Variants in FRMD4A observed in about 807,000 individuals in gnomAD.
The protein encoded by FRMD4A is FERM domain-containing protein 4A.
FRMD4A carries 29 observed loss-of-function variants against 129.1 expected under a neutral mutation model. The observed-to-expected ratio is 0.22, with a 90% CI of 0.17 to 0.31. The LOEUF is 0.31. FRMD4A is among the 10% of genes least tolerant of loss of function. The pLI, the probability that FRMD4A is intolerant of heterozygous loss-of-function variation, is 1.00. For synonymous variants in FRMD4A, 634 were observed against 571.6 expected, an observed-to-expected ratio of 1.11 and a Z score of -1.56; for missense variants, 1,272 against 1,375.8, an observed-to-expected ratio of 0.92 and a Z score of 1.19.
chr10:13,884,576 A>C (rs899578530), intron 2 of FRMD4A, among the ~76,000 whole-genome samples: 40 of 152,206 alleles, frequency 2.6e-4, no homozygotes, highest in African/African-American at 8.9e-4. Context: ...CCACTGGGTC[A>C]AAGGCAAAGT....
chr10:13,944,632 T>C (rs966637182), intron 2 of FRMD4A, among the ~76,000 whole-genome samples: 3 of 152,106 alleles, frequency 2.0e-5, no homozygotes, highest in Non-Finnish European at 4.4e-5. Context: ...CAACAGAACA[T>C]GACAGGTCTG....
intron 2 of FRMD4A, among the ~76,000 whole-genome samples, chr10:14,000,646 CA>C (rs11377448): frequency 1.4e-3 from 61 of 43,468 alleles, no homozygotes; most frequent in South Asian, 9.2e-3. Flanking sequence ...GACGCCACCT[CA>C]AAAAAAAAAA....
chr10:13,944,611 C>T (rs912532919), intron 2 of FRMD4A, among the ~76,000 whole-genome samples: 3 of 152,080 alleles, frequency 2.0e-5, no homozygotes, highest in African/African-American at 7.2e-5. Flanking sequence ...CCACTGGGAC[C>T]ATACACCCTT....
chr10:13,849,473 A>G (rs1167432717), intron 3 of FRMD4A, among the ~76,000 whole-genome samples: 1 of 134,884 alleles, frequency 7.4e-6, no homozygotes, highest in Non-Finnish European at 1.6e-5. Context: ...GTAGAAAACA[A>G]TCTCCTGCAT....
chr10:14,077,632 G>A (rs970759990), intron 2 of FRMD4A, among the ~76,000 whole-genome samples: 6 of 152,290 alleles, frequency 3.9e-5, no homozygotes, highest in Middle Eastern at 3.4e-3. Context: ...AATGCTGAGA[G>A]GCCCATGGAA....
intron 5 of FRMD4A, 73 bp from the exon 6 acceptor site, chr10:13,783,079 T>C: frequency 4.0e-6 from 3 of 742,614 alleles, no homozygotes; most frequent in Non-Finnish European, 7.5e-6. Context: ...TTGAGCTACA[T>C]GATTTGAGAT....
At chr10:14,318,739 G>C (rs1846852185) in intron 2 of FRMD4A, among the ~76,000 whole-genome samples, 1 of 152,070 alleles carries the variant, frequency 6.6e-6, no homozygotes, top group Non-Finnish European at 1.5e-5. Context: ...AGAGCATCAA[G>C]GAACATAGAA....
intron 2 of FRMD4A, among the ~76,000 whole-genome samples, chr10:14,235,443 C>T (rs770998620): frequency 1.3e-5 from 2 of 152,096 alleles, no homozygotes; most frequent in African/African-American, 2.4e-5. Flanking sequence ...CCACCGCGCC[C>T]GGCCGCCACC....
At chr10:13,893,942 C>T (rs948111780) in intron 2 of FRMD4A, among the ~76,000 whole-genome samples, 1 of 152,214 alleles carries the variant, frequency 6.6e-6, no homozygotes, top group African/African-American at 2.4e-5. Context: ...GAACTTGCCT[C>T]ACTGGCCAAT....
chr10:14,244,815 G>A lies in FRMD4A; in HGVS notation c.45+85243C>T, dbSNP rs78116000. Among the ~76,000 whole-genome samples, 37 of 152,238 alleles carry A rather than the reference G, an allele frequency of 2.4e-4. 1 individual carries two copies. The East Asian group carries it at 6.2e-3, about 25-fold the overall frequency. ...TGACTCCAAAACCTGTGCTCTTTCCGCAGTAATACTGAGTTCTCTTTAATG... is the reference window on the plus strand; with the variant it reads ...TGACTCCAAAACCTGTGCTCTTTCCACAGTAATACTGAGTTCTCTTTAATG... On this transcript the variant is annotated intron_variant, in intron 2 of 24. Coordinates refer to ENST00000357447, the MANE Select transcript of FRMD4A (RefSeq NM_018027.5).
chr10:14,038,128 C>T (rs1299810800), intron 2 of FRMD4A, among the ~76,000 whole-genome samples: 1 of 152,150 alleles, frequency 6.6e-6, no homozygotes, highest in Non-Finnish European at 1.5e-5. Flanking sequence ...CGAGACCATC[C>T]TGGCTAACAC....
intron 2 of FRMD4A, 66 bp from the exon 3 acceptor site, chr10:13,858,978 C>G: frequency 1.1e-6 from 1 of 928,574 alleles, no homozygotes; most frequent in South Asian, 1.3e-5. Context: ...AGAGGGTCGC[C>G]GACGCTGCAC....
intron 2 of FRMD4A, among the ~76,000 whole-genome samples, chr10:14,218,880 A>G (rs10906629): frequency 0.99 from 147,928 of 149,686 alleles, 73,114 homozygotes; most frequent in East Asian, 1. Context: ...ACTTGAACCC[A>G]GGAGCCAGAG....
chr10:13,696,748 TA>T (rs1282245117), intron 14 of FRMD4A, among the ~76,000 whole-genome samples: 2 of 151,022 alleles, frequency 1.3e-5, no homozygotes, highest in Non-Finnish European at 3.0e-5. Flanking sequence ...TGAGACTGTC[TA>T]AAAAAAAAGA....
intron 2 of FRMD4A, among the ~76,000 whole-genome samples, chr10:14,114,987 A>T (rs1838122945): frequency 2.0e-5 from 3 of 152,152 alleles, no homozygotes; most frequent in Admixed American, 2.0e-4. Flanking sequence ...GGATAGAAAG[A>T]GTGGGCACAC....
At chr10:14,192,416 A>G (rs1048726354) in intron 2 of FRMD4A, among the ~76,000 whole-genome samples, 1 of 152,250 alleles carries the variant, frequency 6.6e-6, no homozygotes, top group African/African-American at 2.4e-5. Flanking sequence ...GGGAAAGTGT[A>G]AATATCAGGA....
chr10:13,750,081 A>AAATG (rs1554880514), intron 8 of FRMD4A, among the ~76,000 whole-genome samples: 8 of 76,168 alleles, frequency 1.1e-4, no homozygotes, highest in African/African-American at 2.7e-4. Flanking sequence ...AGAAAGAAAG[A>AAATG]AAGAAAGAAA....
chr10:14,154,651 G>C (rs1840509072), intron 2 of FRMD4A, among the ~76,000 whole-genome samples: 1 of 152,126 alleles, frequency 6.6e-6, no homozygotes, highest in African/African-American at 2.4e-5. Context: ...CCCTGATATT[G>C]ATATTTTTTG....
intron 3 of FRMD4A, among the ~76,000 whole-genome samples, chr10:13,844,860 A>G (rs891338157): frequency 2.0e-5 from 3 of 152,186 alleles, no homozygotes; most frequent in East Asian, 1.9e-4. Flanking sequence ...CACACACTGC[A>G]GTCTCTAGGA....
Sources: allele counts gnomAD v4.1 joint callset (sites outside exome capture counted in the v4.1 genomes callset), GRCh38; gene constraint gnomAD v4.1.1; transcripts MANE v1.5; gene names NCBI Gene and HGNC (gene_info 2026-07-23, HGNC 2026-07-21).